The following NKAIN3 variants were observed in gnomAD, a reference collection of about 807,000 sequenced individuals.
NKAIN3 encodes sodium/potassium transporting ATPase interacting 3, also known as sodium/potassium-transporting ATPase subunit beta-1-interacting protein 3.
Under a neutral mutation model 30.2 loss-of-function variants are expected in NKAIN3, and 25 were observed. The observed-to-expected ratio is 0.83, with a 90% CI of 0.60 to 1.16. NKAIN3 has a LOEUF of 1.16. NKAIN3 is among the 50% of genes most tolerant of loss of function. The pLI, the probability that NKAIN3 is intolerant of heterozygous loss-of-function variation, is 0.00. For missense variants in NKAIN3, 225 were observed against 254.1 expected (o/e 0.89, Z 0.78); for synonymous variants, 91 against 89.6 (o/e 1.02, Z -0.09).
intron 3 of NKAIN3, among the ~76,000 whole-genome samples, chr8:62,630,362 A>G (rs955947555): frequency 5.9e-5 from 9 of 152,120 alleles, no homozygotes; most frequent in Non-Finnish European, 8.8e-5. Context: ...TCTGCAATAA[A>G]ATGAGGTATA....
rs529204712 is a variant in NKAIN3 at position 62,456,852 on chromosome 8, C to T, written c.55-122687C>T. Among the ~76,000 whole-genome samples the T allele has an allele frequency of 2.2e-4, 33 of 152,356 alleles. 1 individual carries two copies. The highest frequency in any genetic ancestry group is 3.4e-3 in the Middle Eastern group (1 of 294). Reference sequence around the variant, plus strand: ...AAATAATCCTAATGCACCCAGCCTTCGTTAGAACGATTCCTGGAGTTTTGC... The same window carrying T: ...AAATAATCCTAATGCACCCAGCCTTTGTTAGAACGATTCCTGGAGTTTTGC... On this transcript the variant is annotated intron_variant, in intron 1 of 6. Transcript: ENST00000623646.
chr8:62,906,680 G>A (rs1171800637), intron 4 of NKAIN3, among the ~76,000 whole-genome samples: 2 of 152,144 alleles, frequency 1.3e-5, no homozygotes, highest in Admixed American at 1.3e-4. Context: ...TTTATAAAGG[G>A]GAGTTTCCCT....
intron 1 of NKAIN3, among the ~76,000 whole-genome samples, chr8:62,425,144 A>G (rs1323926744): frequency 6.6e-6 from 1 of 151,794 alleles, no homozygotes; most frequent in Admixed American, 6.6e-5. Flanking sequence ...AGAAATGGGG[A>G]GTTGCTATTC....
chr8:62,917,768 T>C (rs532390117), intron 4 of NKAIN3, among the ~76,000 whole-genome samples: 82 of 152,334 alleles, frequency 5.4e-4, no homozygotes, highest in African/African-American at 1.8e-3. Context: ...TTTTGTCCTC[T>C]AGGAACTGCA....
At chr8:62,750,918 G>A (rs1023164774) in intron 4 of NKAIN3, among the ~76,000 whole-genome samples, 3 of 151,938 alleles carry the variant, frequency 2.0e-5, no homozygotes, top group African/African-American at 7.3e-5. Flanking sequence ...CCTGAAGCTG[G>A]CCAGTAACCT....
At chr8:62,963,171 G>A (rs984576011) in intron 6 of NKAIN3, among the ~76,000 whole-genome samples, 4 of 152,194 alleles carry the variant, frequency 2.6e-5, no homozygotes, top group Non-Finnish European at 5.9e-5. Flanking sequence ...GAGGTTACAG[G>A]CGTGAGCCAC....
chr8:62,401,802 G>T (rs149221230), intron 1 of NKAIN3, among the ~76,000 whole-genome samples: 158 of 152,276 alleles, frequency 1.0e-3, no homozygotes, highest in African/African-American at 3.5e-3. Context: ...CTTTCTGTCT[G>T]AACTGAGCTT....
At chr8:62,348,026 GT>G (rs573273162) in intron 1 of NKAIN3, among the ~76,000 whole-genome samples, 1 of 59,640 alleles carries the variant, frequency 1.7e-5, no homozygotes, top group African/African-American at 4.1e-5. Context: ...ATTTTTTATT[GT>G]TTTTTTATTG....
intron 4 of NKAIN3, among the ~76,000 whole-genome samples, chr8:62,821,978 G>A (rs1006454832): frequency 6.6e-6 from 1 of 152,192 alleles, no homozygotes; most frequent in South Asian, 2.1e-4. Context: ...CTACGGAAAA[G>A]CCTTTATAGA....
intron 3 of NKAIN3, among the ~76,000 whole-genome samples, chr8:62,596,945 G>T (rs967855254): frequency 6.6e-6 from 1 of 152,046 alleles, no homozygotes; most frequent in Non-Finnish European, 1.5e-5. Context: ...TTAAGTAAAT[G>T]GTTGTCTGAC....
chr8:62,304,772 G>A (rs1814169458), intron 1 of NKAIN3, among the ~76,000 whole-genome samples: 1 of 150,326 alleles, frequency 6.7e-6, no homozygotes, highest in South Asian at 2.1e-4. Flanking sequence ...AACTCAACCA[G>A]AGTGACAGCA....
intron 4 of NKAIN3, among the ~76,000 whole-genome samples, chr8:62,887,653 G>T (rs1267908105): frequency 6.6e-6 from 1 of 152,048 alleles, no homozygotes; most frequent in Non-Finnish European, 1.5e-5. Flanking sequence ...CCTCAGCTGT[G>T]TCTAGTCTAG....
intron 1 of NKAIN3, among the ~76,000 whole-genome samples, chr8:62,427,380 A>G (rs1283620161): frequency 6.6e-6 from 1 of 151,892 alleles, no homozygotes. Context: ...TATGATGTGG[A>G]CTCAGATCCT....
intron 3 of NKAIN3, 43 bp downstream of exon 3, chr8:62,589,837 ACTT>A: frequency 9.9e-7 from 1 of 1,008,348 alleles, no homozygotes; most frequent in Non-Finnish European, 1.6e-6. Flanking sequence ...AAATGAGTAC[ACTT>A]CTAAGTATTG....
chr8:62,558,439 G>A (rs1197993050), intron 1 of NKAIN3, among the ~76,000 whole-genome samples: 1 of 152,034 alleles, frequency 6.6e-6, no homozygotes, highest in East Asian at 1.9e-4. Context: ...TTCTAGTTAT[G>A]TGAAGAATGA....
At chr8:62,671,333 TCA>T (rs1244728136) in intron 3 of NKAIN3, among the ~76,000 whole-genome samples, 1 of 152,188 alleles carries the variant, frequency 6.6e-6, no homozygotes, top group Non-Finnish European at 1.5e-5. Context: ...AACAATAGTT[TCA>T]GATTTAGATG....
intron 4 of NKAIN3, among the ~76,000 whole-genome samples, chr8:62,821,261 G>A (rs1818840080): frequency 6.6e-6 from 1 of 152,098 alleles, no homozygotes; most frequent in African/African-American, 2.4e-5. Flanking sequence ...TATTAAAATA[G>A]AAACACAATG....
intron 2 of NKAIN3, among the ~76,000 whole-genome samples, chr8:62,580,617 A>G (rs1810258676): frequency 6.6e-6 from 1 of 152,172 alleles, no homozygotes; most frequent in East Asian, 1.9e-4. Context: ...ATAAAGTTAT[A>G]ATTTTTCTCT....
At chr8:62,874,979 A>G (rs1311507115) in intron 4 of NKAIN3, among the ~76,000 whole-genome samples, 2 of 152,154 alleles carry the variant, frequency 1.3e-5, no homozygotes, top group East Asian at 3.9e-4. Flanking sequence ...CAATCAGGCA[A>G]GAGAAAGAAA....
Sources: allele counts gnomAD v4.1 joint callset (sites outside exome capture counted in the v4.1 genomes callset), GRCh38; gene constraint gnomAD v4.1.1; transcripts MANE v1.5; gene names NCBI Gene and HGNC (gene_info 2026-07-23, HGNC 2026-07-21).